Variants in EFCAB6 observed in about 807,000 individuals in gnomAD.
EFCAB6 encodes EF-hand calcium binding domain 6.
Under a neutral mutation model 169.8 loss-of-function variants are expected in EFCAB6, and 156 were observed. The ratio of observed to expected loss-of-function variants is 0.92; its 90% confidence interval spans 0.81 to 1.05. The LOEUF (loss-of-function observed/expected upper bound fraction) is 1.05. Ranked by LOEUF, EFCAB6 falls within the 50% of genes least tolerant of loss-of-function variation. EFCAB6 has a pLI of 0.00. For missense variants in EFCAB6, 1,800 were observed against 1,829.1 expected, an observed-to-expected ratio of 0.98 and a Z score of 0.29; for synonymous variants, 698 against 676.4, an observed-to-expected ratio of 1.03 and a Z score of -0.50.
intron 2 of EFCAB6, among the ~76,000 whole-genome samples, chr22:43,789,851 A>T (rs112173399): frequency 7.0e-6 from 1 of 142,600 alleles, no homozygotes; most frequent in African/African-American, 2.9e-5. Context: ...TAACCTTCAC[A>T]CACACACACA....
chr22:43,805,489 G>T (rs2062886183), intron 2 of EFCAB6, among the ~76,000 whole-genome samples: 1 of 152,184 alleles, frequency 6.6e-6, no homozygotes, highest in Non-Finnish European at 1.5e-5. Flanking sequence ...TCATATGGAG[G>T]AGCTCAAAAA....
intron 22 of EFCAB6, among the ~76,000 whole-genome samples, chr22:43,601,182 T>A (rs1377452018): frequency 5.3e-5 from 8 of 152,218 alleles, no homozygotes; most frequent in African/African-American, 1.9e-4. Flanking sequence ...AGAATTATGC[T>A]ATGTACCTTT....
In EFCAB6 at chr22:43,677,614, C is replaced by T. The variant is rs149025841; in HGVS notation, c.1419+382G>A. ...TGAGCCGAGATCATGCCACTGCACTCCAGCCTGGGCAACAGAGAGAGACTC... is the reference window on the plus strand; with the variant it reads ...TGAGCCGAGATCATGCCACTGCACTTCAGCCTGGGCAACAGAGAGAGACTC... On this transcript the variant is annotated intron_variant, in intron 13 of 31. Transcript: ENST00000262726. Among the ~76,000 whole-genome samples, 3 of 152,212 alleles carry T rather than the reference C, an allele frequency of 2.0e-5. No individual in the cohort carries two copies. The East Asian group carries it at 5.8e-4, about 29-fold the overall frequency.
At chr22:43,779,537 C>A (rs193219443) in intron 3 of EFCAB6, among the ~76,000 whole-genome samples, 1 of 152,072 alleles carries the variant, frequency 6.6e-6, no homozygotes. Flanking sequence ...GTCAAGAGAT[C>A]GAGACCATTC....
chr22:43,770,780 G>A, intron 4 of EFCAB6, among the ~76,000 whole-genome samples: 1 of 150,074 alleles, frequency 6.7e-6, no homozygotes. Flanking sequence ...GAATGGGACA[G>A]AAAAAAATTT....
chr22:43,797,091 C>T (rs993305452), intron 2 of EFCAB6, among the ~76,000 whole-genome samples: 6 of 152,124 alleles, frequency 3.9e-5, no homozygotes, highest in African/African-American at 1.2e-4. Context: ...GCCTGGATGA[C>T]GGACACAAAC....
chr22:43,800,684 G>A (rs1359179783), intron 2 of EFCAB6, among the ~76,000 whole-genome samples: 1 of 152,032 alleles, frequency 6.6e-6, no homozygotes, highest in African/African-American at 2.4e-5. Context: ...TACATTTGCT[G>A]AACTGAAAAA....
intron 27 of EFCAB6, chr22:43,552,025 G>A (rs1031527082): frequency 2.0e-5 from 3 of 151,966 alleles, no homozygotes; most frequent in Admixed American, 6.6e-5. Context: ...TAGAGACGGG[G>A]TTTCACCATA....
rs1050940717 is a variant in EFCAB6 at position 43,795,701 on chromosome 22, G to C, written c.-8+13294C>G. Among the ~76,000 whole-genome samples the C allele has an allele frequency of 2.7e-4, 41 of 151,852 alleles. No individual in the cohort carries two copies. Among genetic ancestry groups the C allele is most frequent in the Non-Finnish European group, 4.1e-4 (28 of 67,976 alleles). ...CATTATAAGCTCCATGAAATAAAAG[G>C]GTGTGTTTACACCACTCTACCCCCA... On this transcript the variant is annotated intron_variant, in intron 2 of 31. Transcript: ENST00000262726. This position sits in a 1 kb window ranked among gnomAD's most constrained non-coding sequence, Gnocchi z 4.2.
At chr22:43,758,228 T>G (rs913958155) in intron 5 of EFCAB6, among the ~76,000 whole-genome samples, 4 of 152,178 alleles carry the variant, frequency 2.6e-5, no homozygotes, top group Admixed American at 1.3e-4. Context: ...ACTGAAATAT[T>G]TGATCCTTTG....
At chr22:43,538,134 C>T (rs2047489868) in intron 28 of EFCAB6, among the ~76,000 whole-genome samples, 1 of 152,080 alleles carries the variant, frequency 6.6e-6, no homozygotes. Flanking sequence ...TGGTTTTTCT[C>T]TCAAACCTCA....
At chr22:43,540,744 C>A (rs901370716) in intron 27 of EFCAB6, among the ~76,000 whole-genome samples, 2 of 152,178 alleles carry the variant, frequency 1.3e-5, no homozygotes, top group South Asian at 4.1e-4. Context: ...CAGTCAGACT[C>A]ATTTCTCACC....
chr22:43,760,908 C>T (rs191113292), intron 5 of EFCAB6, among the ~76,000 whole-genome samples: 2 of 152,310 alleles, frequency 1.3e-5, no homozygotes, highest in East Asian at 3.9e-4. Context: ...AGTGATCCAC[C>T]CGCCTTGGCC....
intron 6 of EFCAB6, among the ~76,000 whole-genome samples, chr22:43,746,736 C>T (rs2060577466): frequency 6.6e-6 from 1 of 152,174 alleles, no homozygotes; most frequent in Non-Finnish European, 1.5e-5. Context: ...TATAGTAAGA[C>T]CCCATCTCTA....
chr22:43,539,679 C>A (rs1003747273), intron 28 of EFCAB6, among the ~76,000 whole-genome samples: 5 of 152,214 alleles, frequency 3.3e-5, no homozygotes, highest in African/African-American at 1.2e-4. Flanking sequence ...AATCAGGTCG[C>A]TCCACGTCTG....
At chr22:43,783,168 T>C (rs1402249431) in intron 2 of EFCAB6, among the ~76,000 whole-genome samples, 2 of 152,208 alleles carry the variant, frequency 1.3e-5, no homozygotes, top group African/African-American at 4.8e-5. Flanking sequence ...ACACAGCCTA[T>C]CATGAAGAGG....
At chr22:43,700,208 A>G (rs2058717682) in intron 10 of EFCAB6, among the ~76,000 whole-genome samples, 1 of 152,136 alleles carries the variant, frequency 6.6e-6, no homozygotes, top group Non-Finnish European at 1.5e-5. Context: ...AAAGTCTAAA[A>G]TATTATTTCG....
chr22:43,634,301 T>A (rs546668940), intron 18 of EFCAB6, among the ~76,000 whole-genome samples: 1 of 152,314 alleles, frequency 6.6e-6, no homozygotes, highest in South Asian at 2.1e-4. Context: ...TGGCTTCTCA[T>A]GATGCCATTT....
chr22:43,750,753 A>G (rs1469990452), intron 6 of EFCAB6, among the ~76,000 whole-genome samples: 1 of 152,216 alleles, frequency 6.6e-6, no homozygotes, highest in Non-Finnish European at 1.5e-5. Flanking sequence ...CTGATTCTTT[A>G]TCCCTTGAAT....
Sources: allele counts gnomAD v4.1 joint callset (sites outside exome capture counted in the v4.1 genomes callset), GRCh38; gene constraint gnomAD v4.1.1; non-coding constraint Gnocchi (gnomAD v3.1); transcripts MANE v1.5; gene names NCBI Gene and HGNC (gene_info 2026-07-23, HGNC 2026-07-21).